Variants in ZSCAN4 observed in about 807,000 individuals in gnomAD.
The protein encoded by ZSCAN4 is zinc finger and SCAN domain containing 4, also known as zinc finger and SCAN domain-containing protein 4.
ZSCAN4 carries 18 observed loss-of-function variants against 18.3 expected under a neutral mutation model. The ratio of observed to expected loss-of-function variants is 0.98; its 90% CI spans 0.68 to 1.46. The LOEUF (loss-of-function observed/expected upper bound fraction) is 1.46. ZSCAN4 is among the 40% of genes most tolerant of loss of function. ZSCAN4 has a pLI of 0.00. For synonymous variants in ZSCAN4, 193 were observed against 180.3 expected, an observed-to-expected ratio of 1.07 and a Z score of -0.57; for missense variants, 498 against 511.4, an observed-to-expected ratio of 0.97 and a Z score of 0.25.
At chr19:57,666,524 A>G (rs1007632639), upstream of ZSCAN4, among the ~76,000 whole-genome samples, 4 of 151,974 alleles carry the variant, frequency 2.6e-5, no homozygotes, top group African/African-American at 9.7e-5. Flanking sequence ...AAGTAGGTGC[A>G]ACAACCAAAA....
chr19:57,673,761 TA>T (rs1984096574), intron 2 of ZSCAN4, among the ~76,000 whole-genome samples: 2 of 152,070 alleles, frequency 1.3e-5, no homozygotes, highest in South Asian at 4.1e-4. Flanking sequence ...TTATTATTAT[TA>T]TTATTATTAT....
Position 57,678,494 on chromosome 19 carries a change from A to C in ZSCAN4, c.891A>C (p.Thr297=), listed in dbSNP as rs1302963868. 3.7e-6 allele frequency: 6 copies of C among 1,614,170 alleles called. No individual in the cohort carries two copies. In the South Asian group the frequency reaches 5.5e-5, roughly 15 times the overall value. ...ACCAGAGCAATGAGGGAAATTCCAC[A>C]TGTGAGGTACATCAGAAAGGATCCC... Residue 297 remains threonine (T), a synonymous_variant, in exon 5 of 5, where the codon ACA becomes ACC. Coordinates refer to ENST00000318203, the Ensembl canonical transcript of ZSCAN4.
At chr19:57,673,069 G>A (rs1236805760) in intron 2 of ZSCAN4, among the ~76,000 whole-genome samples, 1 of 151,932 alleles carries the variant, frequency 6.6e-6, no homozygotes, top group Non-Finnish European at 1.5e-5. Context: ...TTTATTTTGA[G>A]ATGGAGTTTC....
At chr19:57,652,596 C>T in the ZSCAN4 span, among the ~76,000 whole-genome samples, 2 of 152,064 alleles carry the variant, frequency 1.3e-5, no homozygotes, top group Admixed American at 1.3e-4. Context: ...GTTCCATCTC[C>T]CCCTCTGGCT....
the ZSCAN4 span, among the ~76,000 whole-genome samples, chr19:57,662,294 T>A: frequency 6.6e-5 from 10 of 152,204 alleles, no homozygotes; most frequent in East Asian, 1.9e-3. Context: ...ATGTTTTTAT[T>A]TTTTTCTCAG....
chr19:57,677,811 A>G (rs1014781758), intron 3 of ZSCAN4, 103 bp from the exon 4 acceptor site: 9 of 1,078,054 alleles, frequency 8.3e-6, no homozygotes, highest in Non-Finnish European at 1.0e-5. Flanking sequence ...GTGATAGCCA[A>G]TACTTGAGGG....
the ZSCAN4 span, among the ~76,000 whole-genome samples, chr19:57,658,122 G>A: frequency 1.3e-5 from 2 of 152,138 alleles, no homozygotes; most frequent in Non-Finnish European, 2.9e-5. Flanking sequence ...ACATCTGAAT[G>A]GGTAACTGTG....
At chr19:57,658,910 AC>A in the ZSCAN4 span, among the ~76,000 whole-genome samples, 1 of 152,140 alleles carries the variant, frequency 6.6e-6, no homozygotes, top group African/African-American at 2.4e-5. Flanking sequence ...CTTATAAAGA[AC>A]ATCTGCAAAA....
At chr19:57,674,645 C>CT (rs922385557) in intron 2 of ZSCAN4, among the ~76,000 whole-genome samples, 3 of 152,036 alleles carry the variant, frequency 2.0e-5, no homozygotes, top group African/African-American at 7.2e-5. Context: ...GTGCAGGTGT[C>CT]TTTTTTTATA....
At chr19:57,653,097 A>G in the ZSCAN4 span, among the ~76,000 whole-genome samples, 7 of 152,220 alleles carry the variant, frequency 4.6e-5, no homozygotes, top group Non-Finnish European at 1.0e-4. Flanking sequence ...ATAAGATAAC[A>G]TGCCTCCTGG....
At chr19:57,678,331 CAAA>C in exon 5 of ZSCAN4, 1 of 1,614,092 alleles carries the variant, frequency 6.2e-7, no homozygotes. Flanking sequence ...CCATACAACT[CAAA>C]AAGAGCAGAG....
chr19:57,652,074 C>T, the ZSCAN4 span, among the ~76,000 whole-genome samples: 1,352 of 152,190 alleles, frequency 8.9e-3, 16 homozygotes, highest in African/African-American at 0.031. Context: ...TTCTCCATCC[C>T]TCCTCATGAT....
the ZSCAN4 span, among the ~76,000 whole-genome samples, chr19:57,660,238 G>A: frequency 3.5e-5 from 5 of 142,942 alleles, no homozygotes; most frequent in African/African-American, 9.9e-5. Flanking sequence ...TTTGGAACAC[G>A]AAAGAGTTTA....
the ZSCAN4 span, among the ~76,000 whole-genome samples, chr19:57,659,913 A>G: frequency 1.3e-5 from 2 of 152,174 alleles, no homozygotes; most frequent in Non-Finnish European, 1.5e-5. Context: ...TTTATGATTC[A>G]CCATTAATAG....
At chr19:57,666,903 A>G (rs1469251435), upstream of ZSCAN4, among the ~76,000 whole-genome samples, 1 of 151,972 alleles carries the variant, frequency 6.6e-6, no homozygotes, top group Non-Finnish European at 1.5e-5. Flanking sequence ...GGTTTTTATT[A>G]TTATTATTAT....
At chr19:57,675,533 C>T (rs1391309070) in intron 2 of ZSCAN4, among the ~76,000 whole-genome samples, 4 of 152,150 alleles carry the variant, frequency 2.6e-5, no homozygotes, top group East Asian at 3.9e-4. Flanking sequence ...CCGCCCTCCT[C>T]GGCCTCCCAC....
intron 3 of ZSCAN4, among the ~76,000 whole-genome samples, chr19:57,677,545 T>C (rs1179027918): frequency 6.6e-6 from 1 of 152,212 alleles, no homozygotes; most frequent in Non-Finnish European, 1.5e-5. Flanking sequence ...AATACATGTG[T>C]TGGATCCTCT....
At chr19:57,661,830 C>T in the ZSCAN4 span, among the ~76,000 whole-genome samples, 2 of 151,988 alleles carry the variant, frequency 1.3e-5, no homozygotes, top group African/African-American at 4.8e-5. Flanking sequence ...GCCTGTAACC[C>T]CAGCACTTTG....
At chr19:57,658,833 CAA>C in the ZSCAN4 span, among the ~76,000 whole-genome samples, 356 of 68,672 alleles carry the variant, frequency 5.2e-3, no homozygotes, top group African/African-American at 0.013. Context: ...GACTGTGTCT[CAA>C]AAAAAAAAAA....
Sources: allele counts gnomAD v4.1 joint callset (sites outside exome capture counted in the v4.1 genomes callset), GRCh38; gene constraint gnomAD v4.1.1; transcripts MANE v1.5; gene names NCBI Gene and HGNC (gene_info 2026-07-23, HGNC 2026-07-21).